The following MAPKAPK5 variants were observed in gnomAD, a reference collection of about 807,000 sequenced individuals.
MAPKAPK5 encodes MAP kinase-activated protein kinase 5.
In MAPKAPK5, 30 loss-of-function variants were observed where a neutral mutation model predicts 65.1. That is an observed-to-expected ratio of 0.46 (90% CI 0.34 to 0.63). The LOEUF (loss-of-function observed/expected upper bound fraction) is 0.63, where lower values mean the gene tolerates loss of function less well. Ranked by LOEUF, MAPKAPK5 falls within the 20% of genes least tolerant of loss-of-function variation. The pLI is 0.01. For missense variants in MAPKAPK5, 433 were observed against 581.4 expected (o/e 0.74, Z 2.63); for synonymous variants, 179 against 204.6 (o/e 0.87, Z 1.07).
At chr12:111,885,630 C>T (rs958467482) in intron 9 of MAPKAPK5, 29 of 324,284 alleles carry the variant, frequency 8.9e-5, no homozygotes, top group Middle Eastern at 9.1e-4. Context: ...AACTATAAGC[C>T]ATATGTAGGA....
At position 111,901,458 on chromosome 12, in the gene MAPKAPK5, G is replaced by C; in HGVS notation, c.*8397G>C. ...TCATTCCAGACGTGAAGAACATGCT[G>C]TAGACATGATGATATTATCATTCAT... On this transcript the variant is annotated 3_prime_UTR_variant, in exon 14 of 14. Transcript: ENST00000550735. The C allele has an allele frequency of 2.2e-6, 1 of 455,602 alleles. No homozygotes were observed. Among genetic ancestry groups the C allele is most frequent in the South Asian group, 1.6e-5 (1 of 64,480 alleles). 28.2% of individuals were successfully genotyped at this position (455,602 alleles called of 1,614,324 possible).
chr12:111,869,073 A>G (rs1041641083), intron 5 of MAPKAPK5, among the ~76,000 whole-genome samples: 5 of 152,118 alleles, frequency 3.3e-5, no homozygotes, highest in Admixed American at 6.5e-5. Context: ...TTGGTTGTCA[A>G]CTGTTTCCTG....
At chr12:111,850,276 A>T (rs2069036075) in intron 1 of MAPKAPK5, among the ~76,000 whole-genome samples, 1 of 151,938 alleles carries the variant, frequency 6.6e-6, no homozygotes, top group Non-Finnish European at 1.5e-5. Flanking sequence ...ATCTGCCTGC[A>T]TCGGCCTCCC....
rs979205639 is a variant in MAPKAPK5, at chr12:111,884,405, T to C, written c.848+637T>C. On this transcript the variant is annotated intron_variant, in intron 9 of 13. Transcript: ENST00000550735. ...TTTGTATTTTAAGTAGAGATGGGGT[T>C]TGACCATGTTGGCCAGGCTGGTCTC... Among the ~76,000 whole-genome samples, 9 of 152,228 alleles carry C rather than the reference T, an allele frequency of 5.9e-5. 1 individual carries two copies. The highest frequency in any genetic ancestry group is 2.2e-4 in the African/African-American group (9 of 41,464).
At chr12:111,870,739 A>G (rs2069758595) in intron 6 of MAPKAPK5, among the ~76,000 whole-genome samples, 1 of 152,128 alleles carries the variant, frequency 6.6e-6, no homozygotes, top group Admixed American at 6.5e-5. Context: ...CATGAAGCTT[A>G]TGGCAGATAT....
intron 2 of MAPKAPK5, among the ~76,000 whole-genome samples, chr12:111,865,693 A>G (rs954717108): frequency 2.0e-5 from 3 of 151,938 alleles, no homozygotes; most frequent in Non-Finnish European, 4.4e-5. Flanking sequence ...AAAATTAGCC[A>G]GGTGTGGTGG....
At position 111,842,784 on chromosome 12, in the gene MAPKAPK5, C is replaced by T. The variant is rs1057195353; in HGVS notation, c.36+15C>T. 5.3e-6 allele frequency: 7 copies of T among 1,316,034 alleles called. No individual in the cohort carries two copies. The African/African-American group carries it at 6.0e-5, about 11-fold the overall frequency. The allele number at this position is 1,316,034 out of a possible 1,614,324, so 81.5% of individuals were successfully genotyped here. A position where few individuals can be genotyped will look rare whatever the true frequency, so the allele number is the denominator to read the frequency against. Reference sequence around the variant, plus strand: ...AAGCCATCAAGGTAAGGGGGAGGTGCCCCCTCTTCCCCCGCGTTGTCCTGT... The same window carrying T: ...AAGCCATCAAGGTAAGGGGGAGGTGTCCCCTCTTCCCCCGCGTTGTCCTGT... On this transcript the variant is annotated intron_variant, in intron 1 of 13. Transcript: ENST00000550735.
At chr12:111,871,249 C>G in intron 7 of MAPKAPK5, 69 bp downstream of exon 7, 1 of 1,291,190 alleles carries the variant, frequency 7.7e-7, no homozygotes, top group South Asian at 1.2e-5. Context: ...TCCTTCTATT[C>G]TACAGCACAA....
chr12:111,866,665 G>A (rs1382798146), intron 3 of MAPKAPK5, among the ~76,000 whole-genome samples: 4 of 151,866 alleles, frequency 2.6e-5, no homozygotes, highest in Non-Finnish European at 4.4e-5. Flanking sequence ...GCTGGAGTGC[G>A]ATGGCGCAAT....
In MAPKAPK5 at chr12:111,885,928, C is replaced by T. The variant is rs1404534495; in HGVS notation, c.861C>T (p.Val287=). Residue 287 remains valine (V), a synonymous_variant, in exon 10 of 14, where the codon GTC becomes GTT. Coordinates refer to ENST00000550735, the MANE Select transcript of MAPKAPK5 (RefSeq NM_003668.4). The part of the protein sequence containing the change: ...AKDVVRKLLK[V]KPEERLTIEG... ...GTTTTCTCCACAGGCTCCTGAAGGT[C>T]AAACCGGAGGAGAGACTCACCATCG... 1 of 1,613,940 alleles carries T rather than the reference C, an allele frequency of 6.2e-7. No homozygotes were observed. Among genetic ancestry groups the T allele is most frequent in the South Asian group, 1.1e-5 (1 of 91,078 alleles).
chr12:111,845,972 AG>A (rs1323475079), intron 1 of MAPKAPK5, among the ~76,000 whole-genome samples: 2 of 152,194 alleles, frequency 1.3e-5, no homozygotes, highest in Admixed American at 6.5e-5. Flanking sequence ...ATTAGCTCAT[AG>A]CAACTTAAGG....
At chr12:111,846,286 A>G (rs1206352555) in intron 1 of MAPKAPK5, among the ~76,000 whole-genome samples, 3 of 152,182 alleles carry the variant, frequency 2.0e-5, no homozygotes, top group Non-Finnish European at 2.9e-5. Flanking sequence ...ACAAACCTGT[A>G]GTGTTCAGCT....
At chr12:111,860,241 T>G (rs907262124) in intron 1 of MAPKAPK5, among the ~76,000 whole-genome samples, 1 of 152,214 alleles carries the variant, frequency 6.6e-6, no homozygotes, top group Non-Finnish European at 1.5e-5. Flanking sequence ...AATGCTCTAC[T>G]GCTGAGCTAT....
At chr12:111,870,928 A>G (rs1485637876) in intron 6 of MAPKAPK5, among the ~76,000 whole-genome samples, 157 bp from the exon 7 acceptor site, 9 of 152,156 alleles carry the variant, frequency 5.9e-5, no homozygotes, top group Non-Finnish European at 1.5e-5. Flanking sequence ...AGTGTGAATC[A>G]TTGTCTCCAG....
chr12:111,842,831 C>T, intron 1 of MAPKAPK5, 62 bp downstream of exon 1: 7 of 1,264,186 alleles, frequency 5.5e-6, no homozygotes, highest in Non-Finnish European at 7.0e-6. Context: ...CGGCTCTAGC[C>T]TCAAAAAGCA....
intron 8 of MAPKAPK5, 100 bp downstream of exon 8, chr12:111,880,627 C>T (rs997618928): frequency 3.6e-5 from 35 of 971,430 alleles, no homozygotes; most frequent in Non-Finnish European, 4.2e-5. Context: ...CCTTTCTCAC[C>T]CCTTAATATT....
At chr12:111,886,104 AG>A in intron 10 of MAPKAPK5, 68 bp downstream of exon 10, 1 of 1,610,436 alleles carries the variant, frequency 6.2e-7, no homozygotes, top group Non-Finnish European at 8.5e-7. Flanking sequence ...GGCTTGGCTC[AG>A]TGAGGGGTTA....
In MAPKAPK5 at chr12:111,883,564, T is replaced by G; in HGVS notation, c.661-17T>G. The G allele has an allele frequency of 6.2e-7, 1 of 1,609,812 alleles. No individual in the cohort carries two copies. Among genetic ancestry groups the G allele is most frequent in the South Asian group, 1.1e-5 (1 of 90,554 alleles). On this transcript the variant is annotated splice_polypyrimidine_tract_variant and intron_variant, in intron 8 of 13. Transcript: ENST00000550735. The surrounding 1 kb of genome is among the most constrained non-coding windows in gnomAD (Gnocchi z 4.8). ...TCTGCTTCTGCTGTGAGTGACCATT[T>G]TCTTTTTTGCTTTCAGAGCTGTGAC...
At chr12:111,865,174 G>A in intron 1 of MAPKAPK5, 76 bp from the exon 2 acceptor site, 1 of 894,214 alleles carries the variant, frequency 1.1e-6, no homozygotes, top group South Asian at 1.4e-5. Flanking sequence ...CAGGTCTTCT[G>A]TTGTCCCATC....
Sources: gnomAD v4.1 joint callset for allele counts (sites outside exome capture counted in the v4.1 genomes callset) on GRCh38, gnomAD v4.1.1 for gene constraint, Gnocchi (gnomAD v3.1) non-coding constraint, MANE v1.5 for transcripts, NCBI Gene and HGNC (gene_info 2026-07-23, HGNC 2026-07-21) for gene names.